The following ZNF570 variants were observed in gnomAD, a reference collection of about 807,000 sequenced individuals.
ZNF570 encodes the protein zinc finger protein 570.
In ZNF570, 8 loss-of-function variants were observed where a neutral mutation model predicts 14.2. That is an observed-to-expected ratio of 0.56 (90% CI 0.33 to 1.02). The LOEUF is 1.02. Ranked by LOEUF, ZNF570 falls within the 50% of genes least tolerant of loss-of-function variation. ZNF570 has a pLI of 0.03. For missense variants in ZNF570, 559 were observed against 624.9 expected, an observed-to-expected ratio of 0.89 and a Z score of 1.12; for synonymous variants, 202 against 207.6, an observed-to-expected ratio of 0.97 and a Z score of 0.23.
Position 37,485,193 on chromosome 19 carries a change from C to A in ZNF570, c.1571C>A (p.Ser524Ter). ...CACCAGAGAATTCACATTGGGGAGT[C>A]ACTGTCACCACCCAACCCAGTCAAT... ...AHHQRIHIGE[S>*]LSPPNPVNHQ... Residue 524 changes from serine (S) to a stop codon, truncating the protein, a stop_gained, in exon 5 of 5, where the codon TCA becomes TAA. Coordinates refer to ENST00000330173, the MANE Select transcript of ZNF570 (RefSeq NM_144694.5). LOFTEE classifies it high-confidence loss of function. 6.3e-7 allele frequency: 1 copy of A among 1,578,380 alleles called. No homozygotes were observed. Among genetic ancestry groups the A allele is most frequent in the Admixed American group, 1.8e-5 (1 of 55,654 alleles).
At chr19:37,477,558 T>A (rs1347771878) in intron 4 of ZNF570, among the ~76,000 whole-genome samples, 1 of 151,854 alleles carries the variant, frequency 6.6e-6, no homozygotes, top group Non-Finnish European at 1.5e-5. Context: ...GCCACGCTGG[T>A]CTCCAACTCC....
chr19:37,485,283 T>C lies in ZNF570; in HGVS notation c.*50T>C. On this transcript the variant is annotated 3_prime_UTR_variant, in exon 5 of 5. Transcript: ENST00000330173. ...AATTTATACTGTTTTTTATCTTTAA[T>C]GTTGTCACCTTGGTCTGATTCATCT... is the stretch of plus-strand genomic sequence containing the variant. The C allele has an allele frequency of 2.7e-6, 4 of 1,471,968 alleles. No individual in the cohort carries two copies. Among genetic ancestry groups the C allele is most frequent in the Non-Finnish European group, 3.6e-6 (4 of 1,106,540 alleles). 91.2% of individuals were successfully genotyped at this position (1,471,968 alleles called of 1,614,324 possible). A position where few individuals can be genotyped will look rare whatever the true frequency, so the allele number is the denominator to read the frequency against.
rs2042142415 is a variant in ZNF570 at position 37,485,257 on chromosome 19, G to T, written c.*24G>T. On this transcript the variant is annotated 3_prime_UTR_variant, in exon 5 of 5. Coordinates refer to ENST00000330173, the MANE Select transcript of ZNF570 (RefSeq NM_144694.5). Reference sequence around the variant, plus strand: ...AGATCCTGAGTCCTAAATGTTTCTAGAATTTATACTGTTTTTTATCTTTAA... The same window carrying T: ...AGATCCTGAGTCCTAAATGTTTCTATAATTTATACTGTTTTTTATCTTTAA... 1 of 1,513,714 alleles carries T rather than the reference G, an allele frequency of 6.6e-7. No individual in the cohort carries two copies. The highest frequency in any genetic ancestry group is 1.4e-5 in the African/African-American group (1 of 71,564). The allele number at this position is 1,513,714 out of a possible 1,614,324, so 93.8% of individuals were successfully genotyped here. A position where few individuals can be genotyped will look rare whatever the true frequency, so the allele number is the denominator to read the frequency against.
intron 2 of ZNF570, among the ~76,000 whole-genome samples, chr19:37,473,565 T>C (rs2041992511): frequency 6.6e-6 from 1 of 151,944 alleles, no homozygotes; most frequent in Admixed American, 6.6e-5. Context: ...AGGGCAACAG[T>C]TGAGGTATAG....
chr19:37,468,964 C>T, upstream of ZNF570: 1 of 799,662 alleles, frequency 1.3e-6, no homozygotes, highest in South Asian at 5.6e-5. Context: ...GCCACTAGCG[C>T]GTTCCCACGC....
At chr19:37,476,715 TTTTTTTTTTTTTGTGACAGAGTCTCGCTC>T (rs2147011026) in intron 4 of ZNF570, among the ~76,000 whole-genome samples, 1 of 143,224 alleles carries the variant, frequency 7.0e-6, no homozygotes, top group Admixed American at 7.0e-5. Context: ...CTTTTTTTTT[TTTTTTTTTTTTTGTGACAGAGTCTCGCTC>T]TGTCACCCAG....
intron 4 of ZNF570, among the ~76,000 whole-genome samples, chr19:37,480,223 C>T (rs57558227): frequency 0.017 from 2,609 of 152,276 alleles, 72 homozygotes; most frequent in African/African-American, 0.059. Context: ...CGGTGGCTCA[C>T]GCCTGTAATC....
At position 37,484,073 on chromosome 19, in the gene ZNF570, A is replaced by T. The variant is rs1392302431; in HGVS notation, c.451A>T (p.Ile151Phe). ...GAAGGCGTGTTTCAAGGAAGAGATA[A>T]TCACTCATGAAGAACCCCTTTTTGA... ...NQKACFKEEIITHEEPLFDER... is the reference protein window; with the variant it reads ...NQKACFKEEIFTHEEPLFDER... Residue 151 changes from isoleucine (I) to phenylalanine (F), a missense_variant, in exon 5 of 5, where the codon ATC (isoleucine) becomes TTC (phenylalanine). Ile to Phe is a conservative substitution (Grantham distance 21). Coordinates refer to ENST00000330173, the MANE Select transcript of ZNF570 (RefSeq NM_144694.5). 3 of 1,614,034 alleles carry T rather than the reference A, an allele frequency of 1.9e-6. No homozygotes were observed.
intron 1 of ZNF570, 188 bp downstream of exon 1, chr19:37,469,745 C>CT: frequency 1.5e-6 from 1 of 648,860 alleles, no homozygotes; most frequent in Middle Eastern, 4.3e-4. Flanking sequence ...GAGATTGTCG[C>CT]TTGTGATAGA....
chr19:37,467,896 C>A, upstream of ZNF570: 1 of 1,536,038 alleles, frequency 6.5e-7, no homozygotes. Context: ...AGACAATGTG[C>A]ATGTATTTGT....
At position 37,484,972 on chromosome 19, in the gene ZNF570, T is replaced by G; in HGVS notation, c.1350T>G (p.Ala450=). 6.2e-7 allele frequency: 1 copy of G among 1,613,920 alleles called. No individual in the cohort carries two copies. The highest frequency in any genetic ancestry group is 8.5e-7 in the Non-Finnish European group (1 of 1,179,952). The stretch of plus-strand genomic sequence containing the variant: ...ATGAATGTATTGAATGTGGGAAGGC[T>G]TTTAGCAATGACTCGTCCCTTACTC... ...KPYECIECGK[A]FSNDSSLTQH... is the part of the protein sequence containing the mutation. The change falls in exon 5 of 5, where the codon GCT becomes GCG. Residue 450 remains alanine (A), a synonymous_variant. Coordinates refer to ENST00000330173, the MANE Select transcript of ZNF570 (RefSeq NM_144694.5).
chr19:37,481,345 G>A (rs1047896693), intron 4 of ZNF570, among the ~76,000 whole-genome samples: 1 of 151,948 alleles, frequency 6.6e-6, no homozygotes, highest in African/African-American at 2.4e-5. Flanking sequence ...GTAGAGATGG[G>A]GGTTTCACTA....
chr19:37,468,423 C>A (rs2041889609), upstream of ZNF570, among the ~76,000 whole-genome samples: 1 of 152,134 alleles, frequency 6.6e-6, no homozygotes, highest in South Asian at 2.1e-4. Context: ...ATAGGCCGGA[C>A]GCGGTGGCTC....
At chr19:37,481,567 C>T (rs1174798119) in intron 4 of ZNF570, among the ~76,000 whole-genome samples, 2 of 152,122 alleles carry the variant, frequency 1.3e-5, no homozygotes, top group Non-Finnish European at 1.5e-5. Context: ...CTTTTAAGAA[C>T]TTTCTTCTTC....
At chr19:37,475,833 G>A (rs752753533) in intron 2 of ZNF570, 48 bp from the exon 3 acceptor site, 1 of 1,570,556 alleles carries the variant, frequency 6.4e-7, no homozygotes, top group East Asian at 2.2e-5. Flanking sequence ...CAGAGGAAAT[G>A]AGGTGAATAT....
intron 2 of ZNF570, among the ~76,000 whole-genome samples, chr19:37,474,618 C>A (rs1057312857): frequency 1.3e-5 from 2 of 152,024 alleles, no homozygotes; most frequent in African/African-American, 4.8e-5. Flanking sequence ...CACCACTATG[C>A]CCAGCTAATT....
At chr19:37,468,734 C>T (rs1184862466), upstream of ZNF570, among the ~76,000 whole-genome samples, 1 of 152,180 alleles carries the variant, frequency 6.6e-6, no homozygotes, top group African/African-American at 2.4e-5. Context: ...TCTCGAACTC[C>T]TGACCTCGTG....
intron 4 of ZNF570, among the ~76,000 whole-genome samples, chr19:37,480,398 C>T (rs1180827988): frequency 2.6e-5 from 4 of 152,132 alleles, no homozygotes; most frequent in East Asian, 3.9e-4. Flanking sequence ...GCAGGAGAAT[C>T]GCTTGAACCC....
Position 37,486,756 on chromosome 19 carries a change from C to G in ZNF570, c.*1523C>G, listed in dbSNP as rs1759780588. 1 of 152,020 alleles carries G rather than the reference C, an allele frequency of 6.6e-6. No homozygotes were observed. 9.4% of individuals were successfully genotyped at this position (152,020 alleles called of 1,614,324 possible). A position where few individuals can be genotyped will look rare whatever the true frequency, so the allele number is the denominator to read the frequency against. On this transcript the variant is annotated 3_prime_UTR_variant, in exon 5 of 5. Transcript: ENST00000330173. Reference sequence around the variant, plus strand: ...ACTGACAGCCAGTTTTAGGAAGTTTCTACAGATAATGAATTGGATAAGCCA... The same window carrying G: ...ACTGACAGCCAGTTTTAGGAAGTTTGTACAGATAATGAATTGGATAAGCCA...
Sources: allele counts gnomAD v4.1 joint callset (sites outside exome capture counted in the v4.1 genomes callset), GRCh38; gene constraint gnomAD v4.1.1; transcripts MANE v1.5; gene names NCBI Gene and HGNC (gene_info 2026-07-23, HGNC 2026-07-21).